The following ARAF variants were observed in gnomAD, a reference collection of about 807,000 sequenced individuals.
The protein encoded by ARAF is serine/threonine-protein kinase A-Raf.
In ARAF, 18 loss-of-function variants were observed where a neutral mutation model predicts 48.0. The observed-to-expected ratio is 0.37, with a 90% CI of 0.26 to 0.56. The LOEUF (loss-of-function observed/expected upper bound fraction) is 0.56. Ranked by LOEUF, ARAF falls within the 20% of genes least tolerant of loss-of-function variation. The probability of loss-of-function intolerance (pLI) is 0.77; values close to 1 mark genes in which losing one functional copy is unlikely to be tolerated. For missense variants in ARAF, 389 were observed against 543.1 expected, an observed-to-expected ratio of 0.72 and a Z score of 2.82; for synonymous variants, 207 against 220.1, an observed-to-expected ratio of 0.94 and a Z score of 0.53.
intron 10 of ARAF, among the ~76,000 whole-genome samples, chrX:47,568,028 C>T (rs950364287): frequency 9.0e-6 from 1 of 111,159 alleles, no homozygotes; most frequent in Non-Finnish European, 1.9e-5. Flanking sequence ...TACTGGATAG[C>T]GTCTACCAAC....
intron 15 of ARAF, 98 bp downstream of exon 15, chrX:47,571,110 A>AGTGTGTGT (rs34644595): frequency 2.1e-4 from 168 of 816,823 alleles, no homozygotes; most frequent in South Asian, 1.2e-3. Flanking sequence ...TCAGAGGTAT[A>AGTGTGTGT]GTGTGTGTGT....
At chrX:47,570,050 TC>T (rs767292603) in intron 14 of ARAF, 26 bp downstream of exon 14, 1 of 1,197,939 alleles carries the variant, frequency 8.3e-7, no homozygotes, top group Admixed American at 2.2e-5. Context: ...TACCCACAGT[TC>T]CCTGGGCTGA....
In ARAF at chrX:47,570,043, C is replaced by G. The variant is rs376147525; in HGVS notation, c.1551+19C>G. On this transcript the variant is annotated intron_variant, in intron 14 of 15. Transcript: ENST00000377045. ...TGACCAGGTGAGCCCCACACCTTAC[C>G]CACAGTTCCCTGGGCTGAGGGATCC... 67 of 1,199,462 alleles carry G rather than the reference C, an allele frequency of 5.6e-5. No homozygotes were observed. In the African/African-American group the frequency reaches 1.0e-3, roughly 19 times the overall value.
chrX:47,565,020 C>T lies in ARAF; in HGVS notation c.339C>T (p.Asp113=). The change falls in exon 5 of 16, where the codon GAC becomes GAT. Residue 113 remains aspartate (D), a synonymous_variant. Transcript: ENST00000377045. ...RKTFFSLAFC[D]FCLKFLFHGF... The stretch of plus-strand genomic sequence containing the variant: ...CCTTCTTCAGCCTGGCGTTCTGTGA[C>T]TTCTGCCTTAAGTTTCTGTTCCATG... 1 of 1,212,003 alleles carries T rather than the reference C, an allele frequency of 8.3e-7. No homozygotes were observed. Among genetic ancestry groups the T allele is most frequent in the Non-Finnish European group, 1.1e-6 (1 of 895,561 alleles).
intron 6 of ARAF, 148 bp downstream of exon 6, chrX:47,565,498 TG>T: frequency 2.1e-6 from 2 of 946,341 alleles, no homozygotes; most frequent in Non-Finnish European, 2.8e-6. Flanking sequence ...ACTGGGACCT[TG>T]GGCAAGTCAC....
chrX:47,570,314 A>C, intron 14 of ARAF: 3 of 266,608 alleles, frequency 1.1e-5, no homozygotes, highest in East Asian at 6.3e-5. Flanking sequence ...AGGCCCCCAA[A>C]TACCCCAAAG....
chrX:47,566,739 A>G lies in ARAF; in HGVS notation c.658A>G (p.Met220Val). The G allele has an allele frequency of 1.7e-6, 2 of 1,208,573 alleles. No individual in the cohort carries two copies. The highest frequency in any genetic ancestry group is 5.9e-5 in the East Asian group (2 of 33,785). The change falls in exon 7 of 16, where the codon ATG (methionine) becomes GTG (valine). Residue 220 changes from methionine to valine, a missense_variant. Physicochemically the swap from Met to Val is conservative, Grantham distance 21. Transcript: ENST00000377045. ...CTCCACGTCCACTCCCAACGTCCAT[A>G]TGGTCAGCACCACGGCCCCCATGGA... ...IRSTSTPNVH[M>V]VSTTAPMDSN...
chrX:47,565,314 G>A lies in ARAF; in HGVS notation c.521G>A (p.Arg174His), dbSNP rs1387037979. 6.6e-6 allele frequency: 8 copies of A among 1,209,653 alleles called. No individual in the cohort carries two copies. The South Asian group carries it at 7.0e-5, about 11-fold the overall frequency. Residue 174 changes from arginine (R) to histidine (H), a missense_variant, in exon 6 of 16, where the codon CGC becomes CAC. Arg to His is a conservative substitution (Grantham distance 29). This residue lies in a region of ARAF where 154 missense variants were observed against 133.6 expected (regional missense o/e 1.15). Coordinates refer to ENST00000377045, the MANE Select transcript of ARAF (RefSeq NM_001654.5). ...GSRQHEAPSN[R>H]PLNELLTPQG... is the part of the protein sequence containing the mutation. ...AGACAGCATGAGGCTCCCTCGAACC[G>A]CCCCCTGAATGAGTTGCTAACCCCC... is the stretch of plus-strand genomic sequence containing the variant.
In ARAF at chrX:47,571,532, T is replaced by G; in HGVS notation, c.*75T>G. ...GCCTTGCCCACCAGCCAATCAATGT[T>G]CGTCTCTGCCCTGATGCTGCCTCAG... On this transcript the variant is annotated 3_prime_UTR_variant, in exon 16 of 16. Coordinates refer to ENST00000377045, the MANE Select transcript of ARAF (RefSeq NM_001654.5). 2.7e-6 allele frequency: 3 copies of G among 1,127,511 alleles called. No individual in the cohort carries two copies. Among genetic ancestry groups the G allele is most frequent in the Non-Finnish European group, 2.4e-6 (2 of 850,095 alleles). The allele number at this position is 1,127,511 out of a possible 1,213,427, so 92.9% of individuals were successfully genotyped here.
intron 15 of ARAF, 87 bp from the exon 16 acceptor site, chrX:47,571,236 T>TGTGG: frequency 3.8e-6 from 4 of 1,065,750 alleles, no homozygotes; most frequent in Non-Finnish European, 5.0e-6. Context: ...TGTGTGTGTG[T>TGTGG]GTGTGTGTGT....
At position 47,565,246 on chromosome X, in the gene ARAF, C is replaced by T. The variant is rs1161448971; in HGVS notation, c.459-6C>T. The T allele has an allele frequency of 1.7e-6, 2 of 1,211,318 alleles. No homozygotes were observed. The highest frequency in any genetic ancestry group is 2.2e-6 in the Non-Finnish European group (2 of 895,337). ...CCCCTTGCTTTATACCCTTCATGCC[C>T]TCAAGGTTCTACCACAGTGTCCAGG... On this transcript the variant is annotated splice_region_variant and splice_polypyrimidine_tract_variant and intron_variant, in intron 5 of 15. Transcript: ENST00000377045.
intron 12 of ARAF, 181 bp from the exon 13 acceptor site, chrX:47,569,358 G>T: frequency 2.1e-6 from 1 of 479,979 alleles, no homozygotes. Flanking sequence ...GGGGCTGAGT[G>T]TGGGGGGCAT....
Position 47,563,283 on chromosome X carries a change from CG to C in ARAF, c.158del (p.Gly53ValfsTer2). On this transcript the variant is annotated frameshift_variant, in exon 3 of 16. Coordinates refer to ENST00000377045, the MANE Select transcript of ARAF (RefSeq NM_001654.5). LOFTEE classifies it high-confidence loss of function. ...YDSLDKALKV[R>X]GLNQDCCVVY... Reference sequence around the variant, plus strand: ...CTCTCTAGACAAGGCCCTGAAGGTGCGGGGTCTAAATCAGGACTGCTGTGTG... The same window carrying C: ...CTCTCTAGACAAGGCCCTGAAGGTGCGGGTCTAAATCAGGACTGCTGTGTG... The C allele has an allele frequency of 8.3e-7, 1 of 1,210,859 alleles. No individual in the cohort carries two copies. The highest frequency in any genetic ancestry group is 1.1e-6 in the Non-Finnish European group (1 of 895,089).
intron 3 of ARAF, 109 bp from the exon 4 acceptor site, chrX:47,564,688 G>A (rs979785090): frequency 3.1e-5 from 18 of 585,188 alleles, no homozygotes; most frequent in Non-Finnish European, 4.4e-5. Flanking sequence ...AATTAAACAT[G>A]CCAGACATGA....
intron 5 of ARAF, 24 bp from the exon 6 acceptor site, chrX:47,565,228 C>T (rs371173578): frequency 1.7e-6 from 2 of 1,208,754 alleles, no homozygotes; most frequent in Non-Finnish European, 2.2e-6. Flanking sequence ...TGTCCCCTTG[C>T]TTTATACCCT....
At chrX:47,564,335 C>T (rs1466586834) in intron 3 of ARAF, among the ~76,000 whole-genome samples, 1 of 112,061 alleles carries the variant, frequency 8.9e-6, no homozygotes, top group Admixed American at 9.4e-5. Flanking sequence ...TCTTCTTCCT[C>T]ATTTTCCCCA....
In ARAF at chrX:47,569,786, G is replaced by A. The variant is rs755329086; in HGVS notation, c.1420-107G>A. The stretch of plus-strand genomic sequence containing the variant: ...GTCTGGACTCCTCATGTCCCACCTC[G>A]TGTGGGTGGCTCTGAGTTGTACCCT... On this transcript the variant is annotated intron_variant, in intron 13 of 15. Transcript: ENST00000377045. The A allele has an allele frequency of 3.8e-5, 42 of 1,111,835 alleles. 1 individual carries two copies. In the South Asian group the frequency reaches 7.3e-4, roughly 19 times the overall value. 91.6% of individuals were successfully genotyped at this position (1,111,835 alleles called of 1,213,427 possible).
chrX:47,563,244 A>G lies in ARAF; in HGVS notation c.115A>G (p.Met39Val), dbSNP rs781331960. The G allele has an allele frequency of 8.3e-7, 1 of 1,210,717 alleles. No individual in the cohort carries two copies. The highest frequency in any genetic ancestry group is 3.0e-5 in the East Asian group (1 of 33,824). Residue 39 changes from methionine to valine, a missense_variant, in exon 3 of 16, where the codon ATG becomes GTG. By Grantham distance (21) the Met-to-Val change is conservative (BLOSUM62 1). Transcript: ENST00000377045. ...CACACAGGTGACTGTCCGGGATGGC[A>G]TGAGTGTCTACGACTCTCTAGACAA... ...QRTVVTVRDG[M>V]SVYDSLDKAL...
rs760613124 is a variant in ARAF at position 47,568,714 on chromosome X, G to C, written c.1077-4G>C. The C allele has an allele frequency of 7.4e-6, 9 of 1,209,085 alleles. No homozygotes were observed. The highest frequency in any genetic ancestry group is 1.0e-5 in the Non-Finnish European group (9 of 893,356). ...ACCTCTGACACTGCCCTCCCTGCCT[G>C]CAGGAAGACGCGACATGTCAACATC... On this transcript the variant is annotated splice_polypyrimidine_tract_variant and splice_region_variant and intron_variant, in intron 10 of 15. Transcript: ENST00000377045.
Sources: gnomAD v4.1 joint callset for allele counts (sites outside exome capture counted in the v4.1 genomes callset) on GRCh38, gnomAD v4.1.1 for gene constraint, gnomAD v4.1.1 regional missense constraint, MANE v1.5 for transcripts, NCBI Gene and HGNC (gene_info 2026-07-23, HGNC 2026-07-21) for gene names.